The following PARD3B variants were observed in gnomAD, a reference collection of about 807,000 sequenced individuals.
PARD3B encodes partitioning defective 3 homolog B.
Under a neutral mutation model 130.2 loss-of-function variants are expected in PARD3B, and 103 were observed. The ratio of observed to expected loss-of-function variants is 0.79; its 90% CI spans 0.67 to 0.93. PARD3B has a LOEUF of 0.93. Ranked by LOEUF, PARD3B falls within the 40% of genes least tolerant of loss-of-function variation. The pLI, the probability that PARD3B is intolerant of heterozygous loss-of-function variation, is 0.00. For missense variants in PARD3B, 1,609 were observed against 1,499.2 expected (o/e 1.07, Z -1.21); for synonymous variants, 583 against 553.2 (o/e 1.05, Z -0.76).
intron 1 of PARD3B, among the ~76,000 whole-genome samples, chr2:204,653,620 A>G (rs1167355056): frequency 1.3e-5 from 2 of 150,442 alleles, no homozygotes; most frequent in Non-Finnish European, 2.9e-5. Flanking sequence ...GTGAAACCCC[A>G]TCTCTACTAA....
At position 204,602,936 on chromosome 2, in the gene PARD3B, G is replaced by A. The variant is rs892748638; in HGVS notation, c.120+56817G>A. On this transcript the variant is annotated intron_variant, in intron 1 of 22. Coordinates refer to ENST00000406610, the MANE Select transcript of PARD3B (RefSeq NM_001302769.2). ...ATTGACCAACACAATTGTTTCCTTA[G>A]CAGATACTCAATGAATGCTTTGAAT... is the stretch of plus-strand genomic sequence containing the variant. 8.6e-4 allele frequency among the ~76,000 whole-genome samples: 131 copies of A among 152,050 alleles called. 2 individuals carry two copies. Among genetic ancestry groups the A allele is most frequent in the South Asian group, 4.1e-4 (2 of 4,826 alleles).
chr2:205,011,814 A>G lies in PARD3B; in HGVS notation c.395-35767A>G, dbSNP rs536403373. On this transcript the variant is annotated intron_variant, in intron 3 of 22. Coordinates refer to ENST00000406610, the MANE Select transcript of PARD3B (RefSeq NM_001302769.2). The surrounding 1 kb of genome is among the most constrained non-coding windows in gnomAD (Gnocchi z 4.1). Reference sequence around the variant, plus strand: ...TTCTGGGTTTTTTTTTTTTACAACCATGCATCACACTCAGCCTCTGCAGTT... The same window carrying G: ...TTCTGGGTTTTTTTTTTTTACAACCGTGCATCACACTCAGCCTCTGCAGTT... Among the ~76,000 whole-genome samples the G allele has an allele frequency of 6.6e-6, 1 of 151,630 alleles. No individual in the cohort carries two copies. The highest frequency in any genetic ancestry group is 2.1e-4 in the South Asian group (1 of 4,816).
At chr2:204,577,080 T>C (rs1292804109) in intron 1 of PARD3B, among the ~76,000 whole-genome samples, 1 of 152,190 alleles carries the variant, frequency 6.6e-6, no homozygotes, top group Non-Finnish European at 1.5e-5. Flanking sequence ...TCAGAGTGTA[T>C]TGTTTTTAAC....
At chr2:205,133,317 A>T (rs1388974669) in intron 10 of PARD3B, among the ~76,000 whole-genome samples, 1 of 152,136 alleles carries the variant, frequency 6.6e-6, no homozygotes, top group Non-Finnish European at 1.5e-5. Flanking sequence ...TAAATGCTTC[A>T]ATTTGGGCTG....
At chr2:205,256,834 C>T (rs868778904) in intron 16 of PARD3B, among the ~76,000 whole-genome samples, 1 of 151,106 alleles carries the variant, frequency 6.6e-6, no homozygotes, top group Non-Finnish European at 1.5e-5. Flanking sequence ...TATTTGGGAA[C>T]CTATTTGCAG....
At chr2:205,058,007 C>T (rs1341365392) in intron 4 of PARD3B, among the ~76,000 whole-genome samples, 1 of 151,696 alleles carries the variant, frequency 6.6e-6, no homozygotes, top group East Asian at 1.9e-4. Context: ...ACTACCACCT[C>T]TCTCCAGAAC....
chr2:205,113,756 G>A (rs1245763496), intron 6 of PARD3B, among the ~76,000 whole-genome samples, 179 bp downstream of exon 6: 2 of 151,996 alleles, frequency 1.3e-5, no homozygotes, highest in East Asian at 3.9e-4. Context: ...ATTGACTTTA[G>A]GATGTAATGG....
At chr2:205,220,407 A>G (rs1342081062) in intron 15 of PARD3B, among the ~76,000 whole-genome samples, 1 of 152,138 alleles carries the variant, frequency 6.6e-6, no homozygotes, top group Non-Finnish European at 1.5e-5. Flanking sequence ...CCCGAAACAC[A>G]TCTTCCCAAT....
intron 21 of PARD3B, among the ~76,000 whole-genome samples, chr2:205,514,547 T>C (rs1288250734): frequency 1.3e-5 from 2 of 151,464 alleles, no homozygotes; most frequent in African/African-American, 4.8e-5. Flanking sequence ...GAATGGCACA[T>C]AGTTTGCTTT....
At chr2:205,144,036 T>C (rs2033170773) in intron 10 of PARD3B, among the ~76,000 whole-genome samples, 1 of 152,214 alleles carries the variant, frequency 6.6e-6, no homozygotes, top group African/African-American at 2.4e-5. Flanking sequence ...AATTGCAGCA[T>C]TATATAGCTT....
intron 1 of PARD3B, among the ~76,000 whole-genome samples, chr2:204,655,404 T>C (rs529759787): frequency 6.6e-6 from 1 of 152,120 alleles, no homozygotes; most frequent in Admixed American, 6.6e-5. Context: ...TTGTCTGTTC[T>C]ATATAAGATG....
rs1266138887 is a variant in PARD3B at position 205,591,338 on chromosome 2, C to G, written c.3261-24118C>G. On this transcript the variant is annotated intron_variant, in intron 22 of 22. Transcript: ENST00000406610. This position sits in a 1 kb window ranked among gnomAD's most constrained non-coding sequence, Gnocchi z 4.2. ...AGCAGATTTTTGGAGGAGAAATAAG[C>G]CTCTAAACATATTTGAATATTTGAA... Among the ~76,000 whole-genome samples the G allele has an allele frequency of 6.6e-6, 1 of 152,046 alleles. No individual in the cohort carries two copies. Among genetic ancestry groups the G allele is most frequent in the East Asian group, 1.9e-4 (1 of 5,176 alleles).
At chr2:204,607,118 A>G (rs889660390) in intron 1 of PARD3B, among the ~76,000 whole-genome samples, 1 of 152,124 alleles carries the variant, frequency 6.6e-6, no homozygotes. Flanking sequence ...CTACCAAGTT[A>G]AGCGTGTTTA....
chr2:204,561,681 C>T (rs1430971962), intron 1 of PARD3B, among the ~76,000 whole-genome samples: 7 of 151,502 alleles, frequency 4.6e-5, no homozygotes, highest in Admixed American at 1.3e-4. Context: ...CTGCAACCTC[C>T]GCCTCCAGGG....
intron 3 of PARD3B, among the ~76,000 whole-genome samples, chr2:205,009,610 T>G (rs996399590): frequency 9.9e-5 from 15 of 151,158 alleles, no homozygotes; most frequent in East Asian, 1.9e-4. Context: ...GGCGGAGCTT[T>G]CAGTGAGCCG....
intron 21 of PARD3B, among the ~76,000 whole-genome samples, chr2:205,509,226 A>G (rs2050495558): frequency 6.6e-6 from 1 of 152,142 alleles, no homozygotes; most frequent in Non-Finnish European, 1.5e-5. Flanking sequence ...TCCCATAGGG[A>G]AAAAATATAT....
chr2:205,055,964 A>G (rs1331836211), intron 4 of PARD3B, among the ~76,000 whole-genome samples: 1 of 152,138 alleles, frequency 6.6e-6, no homozygotes, highest in African/African-American at 2.4e-5. Flanking sequence ...TTTGAAGGCT[A>G]AAGTACATAT....
intron 3 of PARD3B, among the ~76,000 whole-genome samples, chr2:204,984,520 G>T (rs1692960392): frequency 6.6e-6 from 1 of 152,058 alleles, no homozygotes; most frequent in Admixed American, 6.5e-5. Context: ...TATTTAATAT[G>T]AATAACATTA....
intron 1 of PARD3B, among the ~76,000 whole-genome samples, chr2:204,547,789 G>A (rs903107606): frequency 6.6e-6 from 1 of 152,126 alleles, no homozygotes; most frequent in Non-Finnish European, 1.5e-5. Flanking sequence ...CTACAAGCTT[G>A]TAAATAACAT....
Sources: gnomAD v4.1 joint callset for allele counts (sites outside exome capture counted in the v4.1 genomes callset) on GRCh38, gnomAD v4.1.1 for gene constraint, Gnocchi (gnomAD v3.1) non-coding constraint, MANE v1.5 for transcripts, NCBI Gene and HGNC (gene_info 2026-07-23, HGNC 2026-07-21) for gene names.